Variants in SLC16A5 observed in about 807,000 individuals in gnomAD.
SLC16A5 encodes monocarboxylate transporter 6.
Under a neutral mutation model 33.2 loss-of-function variants are expected in SLC16A5, and 29 were observed. That is an observed-to-expected ratio of 0.87 (90% CI 0.65 to 1.19). The LOEUF is 1.19. SLC16A5 is among the 50% of genes most tolerant of loss of function. The probability of loss-of-function intolerance (pLI) is 0.00; values close to 1 mark genes in which losing one functional copy is unlikely to be tolerated. For missense variants in SLC16A5, 606 were observed against 678.2 expected, an observed-to-expected ratio of 0.89 and a Z score of 1.18; for synonymous variants, 248 against 284.1, an observed-to-expected ratio of 0.87 and a Z score of 1.28.
downstream of SLC16A5, among the ~76,000 whole-genome samples, chr17:75,108,574 G>A (rs8074715): frequency 0.052 from 7,899 of 152,232 alleles, 359 homozygotes; most frequent in African/African-American, 0.12. Context: ...GCCTTTGTCA[G>A]CCTAAATAAC....
intron 2 of SLC16A5, chr17:75,089,953 A>G (rs945733569): frequency 4.0e-5 from 6 of 151,782 alleles, no homozygotes; most frequent in African/African-American, 1.5e-4. Flanking sequence ...AACTGAAATT[A>G]CTCACTACCT....
rs1293409051 is a variant in SLC16A5 at position 75,100,328 on chromosome 17, C to T, written c.665C>T (p.Thr222Ile). ...GGCTGCCTGGCTGCATGCGGCCGGA[C>T]CATCCAGCGCCACCTGGCCTTCGAC... ...ALGCLAACGR[T>I]IQRHLAFDIL... The change falls in exon 5 of 7, where the codon ACC (threonine) becomes ATC (isoleucine). Residue 222 changes from threonine (T) to isoleucine (I), a missense_variant. By Grantham distance (89) the Thr-to-Ile change is moderately conservative (BLOSUM62 -1). Transcript: ENST00000329783. 1 of 1,614,118 alleles carries T rather than the reference C, an allele frequency of 6.2e-7. No individual in the cohort carries two copies. Among genetic ancestry groups the T allele is most frequent in the Non-Finnish European group, 8.5e-7 (1 of 1,180,044 alleles).
At chr17:75,108,246 C>T (rs376006566), downstream of SLC16A5, among the ~76,000 whole-genome samples, 6 of 152,138 alleles carry the variant, frequency 3.9e-5, no homozygotes, top group African/African-American at 1.2e-4. Flanking sequence ...TACTTCCATC[C>T]TCCCTGTTTC....
At chr17:75,092,487 G>GT (rs2073653155) in intron 2 of SLC16A5, among the ~76,000 whole-genome samples, 1 of 151,878 alleles carries the variant, frequency 6.6e-6, no homozygotes. Flanking sequence ...CTCCCGAGTA[G>GT]CTGGGATTTT....
chr17:75,105,376 C>T (rs144746504), intron 6 of SLC16A5: 85 of 985,252 alleles, frequency 8.6e-5, no homozygotes, highest in Admixed American at 2.5e-4. Context: ...CCAGGCAGCC[C>T]GAAGACTGTT....
chr17:75,101,250 A>G (rs1410858008), intron 5 of SLC16A5, among the ~76,000 whole-genome samples: 2 of 146,986 alleles, frequency 1.4e-5, no homozygotes, highest in Non-Finnish European at 3.0e-5. Flanking sequence ...CTCCGCCTCA[A>G]AAAGAAAAAA....
rs2073813054 is a variant in SLC16A5, at chr17:75,102,562, A to T, written c.1154-1408A>T. 2.0e-5 allele frequency among the ~76,000 whole-genome samples: 3 copies of T among 151,074 alleles called. No individual in the cohort carries two copies. In the South Asian group the frequency reaches 6.2e-4, roughly 31 times the overall value. ...GAGGTGCACGTGAGAGGCAGCTGAGAGTGTGAGATTCTGAGCAAATGAGGG... is the reference window on the plus strand; with the variant it reads ...GAGGTGCACGTGAGAGGCAGCTGAGTGTGTGAGATTCTGAGCAAATGAGGG... On this transcript the variant is annotated intron_variant, in intron 5 of 6. Coordinates refer to ENST00000329783, the MANE Select transcript of SLC16A5 (RefSeq NM_004695.4).
At chr17:75,104,455 T>A in intron 6 of SLC16A5, 1 of 1,212,264 alleles carries the variant, frequency 8.2e-7, no homozygotes, top group Non-Finnish European at 1.0e-6. Flanking sequence ...GTTTCACTCT[T>A]GTTGCCCAGG....
intron 6 of SLC16A5, chr17:75,105,168 G>A (rs1045287265): frequency 7.0e-5 from 69 of 985,428 alleles, no homozygotes; most frequent in South Asian, 3.8e-4. Context: ...CCATCCTGGC[G>A]CCTGTGCAGA....
At chr17:75,095,036 G>A (rs2073698149) in intron 3 of SLC16A5, among the ~76,000 whole-genome samples, 1 of 152,230 alleles carries the variant, frequency 6.6e-6, no homozygotes, top group Non-Finnish European at 1.5e-5. Flanking sequence ...CCGAGCTGAT[G>A]GCCCACAGGC....
At chr17:75,104,412 A>AAT in intron 6 of SLC16A5, 3 of 1,229,618 alleles carry the variant, frequency 2.4e-6, no homozygotes, top group Non-Finnish European at 2.0e-6. Context: ...GCCCTGAGAA[A>AAT]CTCTTTTTTT....
chr17:75,104,787 G>A, intron 6 of SLC16A5: 1 of 985,382 alleles, frequency 1.0e-6, no homozygotes, highest in Non-Finnish European at 1.2e-6. Context: ...GAATCCAGGA[G>A]CAGGCCCTCC....
In SLC16A5 at chr17:75,100,520, T is replaced by A. The variant is rs2073780429; in HGVS notation, c.857T>A (p.Phe286Tyr). Residue 286 changes from phenylalanine (F) to tyrosine (Y), a missense_variant, in exon 5 of 7, where the codon TTC becomes TAC. Phe to Tyr is a conservative substitution (Grantham distance 22). Coordinates refer to ENST00000329783, the MANE Select transcript of SLC16A5 (RefSeq NM_004695.4). ...LISIIGFSNIFLRPLAGLMAG... is the reference protein window; with the variant it reads ...LISIIGFSNIYLRPLAGLMAG... ...TCCATCATCGGCTTCAGCAACATCTTCCTGAGGCCCCTAGCCGGGCTGATG... is the reference window on the plus strand; with the variant it reads ...TCCATCATCGGCTTCAGCAACATCTACCTGAGGCCCCTAGCCGGGCTGATG... 2 of 1,614,030 alleles carry A rather than the reference T, an allele frequency of 1.2e-6. No homozygotes were observed. Among genetic ancestry groups the A allele is most frequent in the Non-Finnish European group, 1.7e-6 (2 of 1,180,026 alleles).
chr17:75,100,929 C>A, intron 5 of SLC16A5, 113 bp downstream of exon 5: 1 of 1,079,612 alleles, frequency 9.3e-7, no homozygotes, highest in Non-Finnish European at 1.3e-6. Context: ...GGTTTCCAAC[C>A]TGGCACTCAG....
At chr17:75,093,387 G>T (rs191550736) in intron 2 of SLC16A5, 3 of 1,534,650 alleles carry the variant, frequency 2.0e-6, no homozygotes, top group Non-Finnish European at 2.6e-6. Context: ...CTCCTGCCAG[G>T]CTGGCTCTGG....
chr17:75,091,224 C>T (rs749119890), intron 2 of SLC16A5, among the ~76,000 whole-genome samples: 1 of 151,684 alleles, frequency 6.6e-6, no homozygotes, highest in Non-Finnish European at 1.5e-5. Context: ...GGAGGAGAGG[C>T]GAGCTATGGA....
chr17:75,102,057 C>T (rs2073806941), intron 5 of SLC16A5, among the ~76,000 whole-genome samples: 1 of 152,306 alleles, frequency 6.6e-6, no homozygotes, highest in South Asian at 2.1e-4. Flanking sequence ...CATCCCAGTT[C>T]TCCTGCTTCC....
intron 4 of SLC16A5, among the ~76,000 whole-genome samples, chr17:75,099,102 C>T (rs957486265): frequency 6.6e-6 from 1 of 152,070 alleles, no homozygotes; most frequent in African/African-American, 2.4e-5. Context: ...GGGTGGGGAG[C>T]GGGGAAGGCC....
intron 2 of SLC16A5, among the ~76,000 whole-genome samples, chr17:75,090,605 C>T (rs561673077): frequency 1.2e-4 from 18 of 151,948 alleles, no homozygotes; most frequent in Non-Finnish European, 2.1e-4. Context: ...CGACTACAGG[C>T]GAGCCCCACC....
Sources: gnomAD v4.1 joint callset for allele counts (sites outside exome capture counted in the v4.1 genomes callset) on GRCh38, gnomAD v4.1.1 for gene constraint, MANE v1.5 for transcripts, NCBI Gene and HGNC (gene_info 2026-07-23, HGNC 2026-07-21) for gene names.